Variants in NCALD observed in about 807,000 individuals in gnomAD.
The protein encoded by NCALD is neurocalcin-delta.
A neutral mutation model predicts 18.6 loss-of-function variants in NCALD; 10 were observed. The observed-to-expected ratio is 0.54, with a 90% CI of 0.33 to 0.91. The LOEUF (loss-of-function observed/expected upper bound fraction) is 0.91, where lower values mean the gene tolerates loss of function less well. NCALD is among the 40% of genes least tolerant of loss of function. The pLI, the probability that NCALD is intolerant of heterozygous loss-of-function variation, is 0.03. For missense variants in NCALD, 184 were observed against 247.6 expected (o/e 0.74, Z 1.72); for synonymous variants, 88 against 87.4 (o/e 1.01, Z -0.04).
rs190637986 is a variant in NCALD, at chr8:101,840,944, C to A, written c.-20+46197G>T. On this transcript the variant is annotated intron_variant, in intron 4 of 6. Coordinates refer to the NCALD transcript ENST00000311028. ...CCTACCAAAGCAAGATTATTAATAT[C>A]TTTTAAATATTAAAAAGCTTTAATT... 1.8e-4 allele frequency among the ~76,000 whole-genome samples: 28 copies of A among 152,202 alleles called. No individual in the cohort carries two copies. In the East Asian group the frequency reaches 5.0e-3, roughly 27 times the overall value.
rs76968523 is a variant in NCALD at position 101,916,648 on chromosome 8, G to A, written c.-156-790C>T. ...GACCCATAGGCTCAAAGTAAAGGGTGGAAGAAAGATCTACCATGGAAACAG... is the reference window on the plus strand; with the variant it reads ...GACCCATAGGCTCAAAGTAAAGGGTAGAAGAAAGATCTACCATGGAAACAG... On this transcript the variant is annotated intron_variant, in intron 2 of 6. Coordinates refer to the NCALD transcript ENST00000311028. Among the ~76,000 whole-genome samples, 1,361 of 151,984 alleles carry A rather than the reference G, an allele frequency of 9.0e-3. 8 individuals are homozygous for A. The highest frequency in any genetic ancestry group is 0.014 in the Non-Finnish European group (934 of 67,892).
intron 4 of NCALD, among the ~76,000 whole-genome samples, chr8:101,866,017 G>A (rs1340230744): frequency 6.6e-6 from 1 of 152,144 alleles, no homozygotes; most frequent in Non-Finnish European, 1.5e-5. Flanking sequence ...GTACTTGAGA[G>A]AACTACATCC....
chr8:101,936,616 A>G (rs561395092), intron 2 of NCALD, among the ~76,000 whole-genome samples: 1 of 152,328 alleles, frequency 6.6e-6, no homozygotes, highest in African/African-American at 2.4e-5. Flanking sequence ...TTGCTAATAT[A>G]TTAGAATATT....
At chr8:101,862,855 T>C (rs1335790214) in intron 4 of NCALD, among the ~76,000 whole-genome samples, 1 of 152,214 alleles carries the variant, frequency 6.6e-6, no homozygotes, top group East Asian at 1.9e-4. Flanking sequence ...AAAAAGGCAT[T>C]ATTAATAAAA....
chr8:101,811,052 T>G (rs1229735126), intron 4 of NCALD, among the ~76,000 whole-genome samples: 2 of 152,202 alleles, frequency 1.3e-5, no homozygotes, highest in Admixed American at 6.6e-5. Flanking sequence ...GTCAGACTAC[T>G]GATTTCAGTT....
intron 1 of NCALD, among the ~76,000 whole-genome samples, chr8:101,747,938 G>A (rs1017260079): frequency 6.6e-6 from 1 of 152,012 alleles, no homozygotes; most frequent in Non-Finnish European, 1.5e-5. Flanking sequence ...GGCTGGTCTC[G>A]AACTCCTGAC....
intron 1 of NCALD, among the ~76,000 whole-genome samples, chr8:101,770,905 T>C (rs1029808262): frequency 1.3e-5 from 2 of 152,198 alleles, no homozygotes; most frequent in African/African-American, 4.8e-5. Flanking sequence ...TAAGAAAATA[T>C]GGCCATTGTA....
At chr8:101,893,106 C>A (rs1816980630) in intron 3 of NCALD, among the ~76,000 whole-genome samples, 1 of 151,390 alleles carries the variant, frequency 6.6e-6, no homozygotes, top group African/African-American at 2.4e-5. Context: ...TTAAGGGCAG[C>A]CAGAGAGAAA....
At chr8:102,082,422 T>C (rs1322296641) in intron 1 of NCALD, among the ~76,000 whole-genome samples, 1 of 151,780 alleles carries the variant, frequency 6.6e-6, no homozygotes, top group African/African-American at 2.4e-5. Context: ...ACACCTGAGC[T>C]CTCTGTCCCT....
intron 1 of NCALD, among the ~76,000 whole-genome samples, chr8:101,732,296 T>G (rs548734429): frequency 6.6e-6 from 1 of 152,166 alleles, no homozygotes; most frequent in East Asian, 1.9e-4. Flanking sequence ...AAATCCATCA[T>G]GGTGATCCAG....
intron 4 of NCALD, among the ~76,000 whole-genome samples, chr8:101,809,237 G>C (rs760021897): frequency 1.3e-5 from 2 of 152,126 alleles, no homozygotes; most frequent in African/African-American, 2.4e-5. Context: ...AGAGTCATAT[G>C]GATTGATGTC....
intron 1 of NCALD, among the ~76,000 whole-genome samples, chr8:102,098,767 C>A (rs538508980): frequency 1.3e-5 from 2 of 152,272 alleles, no homozygotes; most frequent in East Asian, 3.9e-4. Context: ...CTCCCAAACA[C>A]TTGGAATTTA....
At chr8:102,018,105 C>A (rs918080858) in intron 2 of NCALD, among the ~76,000 whole-genome samples, 3 of 152,180 alleles carry the variant, frequency 2.0e-5, no homozygotes, top group African/African-American at 4.8e-5. Context: ...AGCTGTGGAA[C>A]AACTGAAACT....
intron 3 of NCALD, among the ~76,000 whole-genome samples, chr8:101,903,112 G>A (rs1245851029): frequency 6.6e-6 from 1 of 152,078 alleles, no homozygotes; most frequent in Non-Finnish European, 1.5e-5. Context: ...GAAATGAGTG[G>A]GCAGACAAAT....
chr8:101,826,358 C>T (rs1813936950), intron 4 of NCALD, among the ~76,000 whole-genome samples: 1 of 152,092 alleles, frequency 6.6e-6, no homozygotes, highest in Non-Finnish European at 1.5e-5. Flanking sequence ...ATATCTTCAA[C>T]ATTCCTCAGT....
chr8:101,836,744 C>A (rs971774761), intron 4 of NCALD, among the ~76,000 whole-genome samples: 1 of 152,174 alleles, frequency 6.6e-6, no homozygotes, highest in Admixed American at 6.5e-5. Flanking sequence ...CTCAGTAAGA[C>A]AATTTTTTAC....
Position 101,692,909 on chromosome 8 carries a change from G to T in NCALD, c.379-13C>A. On this transcript the variant is annotated splice_polypyrimidine_tract_variant and intron_variant, in intron 2 of 3. Coordinates refer to ENST00000220931, the MANE Select transcript of NCALD (RefSeq NM_032041.3). The stretch of plus-strand genomic sequence containing the variant: ...TCTTATAGATTGCCTGGGGACAGAA[G>T]CGACATGGTGGTAAGACAGAAAAAC... 1 of 1,584,818 alleles carries T rather than the reference G, an allele frequency of 6.3e-7. No homozygotes were observed.
At chr8:101,881,398 C>A (rs513472) in intron 4 of NCALD, among the ~76,000 whole-genome samples, 39,569 of 151,940 alleles carry the variant, frequency 0.26, 5,534 homozygotes, top group East Asian at 0.35. Context: ...ATTAAACCGC[C>A]GATAATATGG....
intron 1 of NCALD, among the ~76,000 whole-genome samples, chr8:101,728,029 T>C (rs1466646626): frequency 6.6e-6 from 1 of 152,166 alleles, no homozygotes; most frequent in Admixed American, 6.5e-5. Context: ...AATCTGGAGT[T>C]GATATTGACT....
Sources: gnomAD v4.1 joint callset for allele counts (sites outside exome capture counted in the v4.1 genomes callset) on GRCh38, gnomAD v4.1.1 for gene constraint, MANE v1.5 for transcripts, NCBI Gene and HGNC (gene_info 2026-07-23, HGNC 2026-07-21) for gene names.